The following ARHGAP30 variants were observed in gnomAD, a reference collection of about 807,000 sequenced individuals.
ARHGAP30 encodes the protein rho GTPase-activating protein 30.
A neutral mutation model predicts 72.0 loss-of-function variants in ARHGAP30; 23 were observed. The ratio of observed to expected loss-of-function variants is 0.32; its 90% CI spans 0.23 to 0.45. The LOEUF (loss-of-function observed/expected upper bound fraction) is 0.45. Ranked by LOEUF, ARHGAP30 falls within the 20% of genes least tolerant of loss-of-function variation. ARHGAP30 has a pLI of 1.00. For missense variants in ARHGAP30, 1,319 were observed against 1,383.4 expected (o/e 0.95, Z 0.74); for synonymous variants, 576 against 528.2 (o/e 1.09, Z -1.24).
chr1:161,069,462 T>G lies in ARHGAP30; in HGVS notation c.97+66A>C. ...CGGAAACTGCTTCTGCCCTTCAGGC[T>G]GGATCGGGCTGCAGATGCCCAGTGC... On this transcript the variant is annotated intron_variant, in intron 1 of 11. Coordinates refer to ENST00000368013, the MANE Select transcript of ARHGAP30 (RefSeq NM_001025598.2). The surrounding 1 kb of genome is among the most constrained non-coding windows in gnomAD (Gnocchi z 4.9). 6.5e-7 allele frequency: 1 copy of G among 1,526,770 alleles called. No homozygotes were observed. The highest frequency in any genetic ancestry group is 2.3e-5 in the East Asian group (1 of 44,440). 94.6% of individuals were successfully genotyped at this position (1,526,770 alleles called of 1,614,324 possible). A position where few individuals can be genotyped will look rare whatever the true frequency, so the allele number is the denominator to read the frequency against.
At chr1:161,064,015 T>G (rs562445512) in intron 1 of ARHGAP30, among the ~76,000 whole-genome samples, 156 of 152,382 alleles carry the variant, frequency 1.0e-3, no homozygotes, top group African/African-American at 3.6e-3. Flanking sequence ...TAATTTCGCT[T>G]TGGTCCTTTG....
At position 161,069,689 on chromosome 1, in the gene ARHGAP30, C is replaced by T. The variant is rs895163484; in HGVS notation, c.-65G>A. The T allele has an allele frequency of 6.5e-7, 1 of 1,529,054 alleles. No homozygotes were observed. Among genetic ancestry groups the T allele is most frequent in the African/African-American group, 1.4e-5 (1 of 73,144 alleles). The allele number at this position is 1,529,054 out of a possible 1,614,324, so 94.7% of individuals were successfully genotyped here. A position where few individuals can be genotyped will look rare whatever the true frequency, so the allele number is the denominator to read the frequency against. On this transcript the variant is annotated 5_prime_UTR_variant, in exon 1 of 12. Coordinates refer to ENST00000368013, the MANE Select transcript of ARHGAP30 (RefSeq NM_001025598.2). This position sits in a 1 kb window ranked among gnomAD's most constrained non-coding sequence, Gnocchi z 4.9. ...CCCAAGACCTGTGCCCTACCAGTCC[C>T]CCATGGGATCCCAGCCAGCTGCTGG...
chr1:161,061,537 G>GA (rs11368341), intron 1 of ARHGAP30, among the ~76,000 whole-genome samples: 9 of 144,604 alleles, frequency 6.2e-5, no homozygotes, highest in South Asian at 4.4e-4. Context: ...AAGAATATCT[G>GA]AAAAAAAAAA....
intron 5 of ARHGAP30, among the ~76,000 whole-genome samples, chr1:161,053,899 C>G (rs1052612533): frequency 6.6e-6 from 1 of 152,100 alleles, no homozygotes; most frequent in African/African-American, 2.4e-5. Flanking sequence ...AACCCCTTCT[C>G]TCTACTAAAA....
Position 161,048,269 on chromosome 1 carries a change from C to G in ARHGAP30, c.2752G>C (p.Gly918Arg). The G allele has an allele frequency of 6.2e-7, 1 of 1,614,166 alleles. No individual in the cohort carries two copies. Among genetic ancestry groups the G allele is most frequent in the Non-Finnish European group, 8.5e-7 (1 of 1,180,020 alleles). Residue 918 changes from glycine (G) to arginine (R), a missense_variant, in exon 12 of 12, where the codon GGT (glycine) becomes CGT (arginine). By Grantham distance (125) the Gly-to-Arg change is moderately radical. Transcript: ENST00000368013. ...GCLCPCSLGL[G>R]GVGMRLASTL... Reference sequence around the variant, plus strand: ...GAAGCTAGACGCATGCCCACGCCACCCAGGCCAAGAGAACAGGGGCATAGA... The same window carrying G: ...GAAGCTAGACGCATGCCCACGCCACGCAGGCCAAGAGAACAGGGGCATAGA...
At chr1:161,060,125 A>C in intron 1 of ARHGAP30, 1 of 387,940 alleles carries the variant, frequency 2.6e-6, no homozygotes, top group South Asian at 1.8e-5. Context: ...TACAAAAAAT[A>C]CAAACACAAA....
chr1:161,054,756 T>C, intron 3 of ARHGAP30, 51 bp from the exon 4 acceptor site: 1 of 1,524,828 alleles, frequency 6.6e-7, no homozygotes, highest in Non-Finnish European at 9.1e-7. Flanking sequence ...GCAATGCCCC[T>C]GCTTACTCCC....
chr1:161,052,403 A>C, intron 8 of ARHGAP30, 37 bp downstream of exon 8: 1 of 1,613,326 alleles, frequency 6.2e-7, no homozygotes, highest in Non-Finnish European at 8.5e-7. Flanking sequence ...GGCCTTGTGC[A>C]CCCTCAGCAG....
At position 161,063,025 on chromosome 1, in the gene ARHGAP30, G is replaced by C. The variant is rs77829611; in HGVS notation, c.98-3309C>G. Among the ~76,000 whole-genome samples the C allele has an allele frequency of 2.3e-3, 351 of 152,228 alleles. 11 individuals carry two copies. The East Asian group carries it at 0.056, about 24-fold the overall frequency. ...GTCGGTGTTTCCCCATGTTGGTCAG[G>C]CTGTCTCGAACTCCCGACCTCAGGT... On this transcript the variant is annotated intron_variant, in intron 1 of 11. Coordinates refer to ENST00000368013, the MANE Select transcript of ARHGAP30 (RefSeq NM_001025598.2).
intron 2 of ARHGAP30, among the ~76,000 whole-genome samples, chr1:161,058,808 C>G (rs1652094380): frequency 6.8e-6 from 1 of 147,760 alleles, no homozygotes; most frequent in Non-Finnish European, 1.5e-5. Flanking sequence ...TTGCAATGAG[C>G]CAAGATTGCG....
chr1:161,048,120 C>T lies in ARHGAP30; in HGVS notation c.2901G>A (p.Arg967=), dbSNP rs768847014. 31 of 1,614,206 alleles carry T rather than the reference C, an allele frequency of 1.9e-5. No homozygotes were observed. Among genetic ancestry groups the T allele is most frequent in the Non-Finnish European group, 2.3e-5 (27 of 1,180,032 alleles). Residue 967 remains arginine (R), a synonymous_variant, in exon 12 of 12, where the codon AGG becomes AGA. Transcript: ENST00000368013. ...IHVAPANPCP[R]PGRLDGTPGE... ...CAGGAGTCCCATCAAGCCGGCCAGG[C>T]CTCGGGCATGGATTTGCAGGTGCCA... is the stretch of plus-strand genomic sequence containing the variant.
chr1:161,064,252 T>A (rs995250777), intron 1 of ARHGAP30, among the ~76,000 whole-genome samples: 4 of 152,334 alleles, frequency 2.6e-5, no homozygotes, highest in Admixed American at 2.6e-4. Flanking sequence ...ACTCTGTCCT[T>A]TTATTTCTCA....
At position 161,048,651 on chromosome 1, in the gene ARHGAP30, C is replaced by T; in HGVS notation, c.2370G>A (p.Glu790=). ...EEKWEVVQKQ[E]AEGVREDEDK... is the part of the protein sequence containing the mutation. ...CCTCATCCTCTCTGACTCCCTCAGCCTCTTGTTTCTGTACAACTTCCCATT... is the reference window on the plus strand; with the variant it reads ...CCTCATCCTCTCTGACTCCCTCAGCTTCTTGTTTCTGTACAACTTCCCATT... The change falls in exon 12 of 12, where the codon GAG becomes GAA. Residue 790 remains glutamate (E), a synonymous_variant. Coordinates refer to ENST00000368013, the MANE Select transcript of ARHGAP30 (RefSeq NM_001025598.2). 1.9e-6 allele frequency: 3 copies of T among 1,614,158 alleles called. No individual in the cohort carries two copies. The highest frequency in any genetic ancestry group is 1.7e-6 in the Non-Finnish European group (2 of 1,180,044).
intron 5 of ARHGAP30, 40 bp from the exon 6 acceptor site, chr1:161,053,425 A>G (rs1284182181): frequency 6.3e-7 from 1 of 1,597,902 alleles, no homozygotes; most frequent in Admixed American, 1.7e-5. Flanking sequence ...CAGCCCCACC[A>G]AACTTCCCAA....
At chr1:161,056,950 A>G (rs759402261) in intron 2 of ARHGAP30, among the ~76,000 whole-genome samples, 4 of 152,210 alleles carry the variant, frequency 2.6e-5, no homozygotes, top group African/African-American at 4.8e-5. Flanking sequence ...TTTCTTAGAT[A>G]TGATACTAAA....
rs754770154 is a variant in ARHGAP30 at position 161,048,518 on chromosome 1, T to C, written c.2503A>G (p.Ser835Gly). Residue 835 changes from serine to glycine, a missense_variant, in exon 12 of 12, where the codon AGC becomes GGC. This residue lies in a region of ARHGAP30 where 1,097 missense variants were observed against 1,045.2 expected (regional missense o/e 1.05). Coordinates refer to ENST00000368013, the MANE Select transcript of ARHGAP30 (RefSeq NM_001025598.2). ...CCATCCCCACTCTCCCGTTCCTTGC[T>C]GACCTCCCCTGCTCCTCCTTCAGTT... is the stretch of plus-strand genomic sequence containing the variant. ...AATEGGAGEV[S>G]KERESGDGEA... 1 of 1,614,158 alleles carries C rather than the reference T, an allele frequency of 6.2e-7. No homozygotes were observed. Among genetic ancestry groups the C allele is most frequent in the Admixed American group, 1.7e-5 (1 of 60,016 alleles).
At chr1:161,068,087 G>C (rs1652895751) in intron 1 of ARHGAP30, among the ~76,000 whole-genome samples, 2 of 152,232 alleles carry the variant, frequency 1.3e-5, no homozygotes, top group African/African-American at 2.4e-5. Flanking sequence ...GGTCTGGGCT[G>C]GCTGTGGGTT....
At chr1:161,066,157 G>A (rs1362074829) in intron 1 of ARHGAP30, among the ~76,000 whole-genome samples, 1 of 151,086 alleles carries the variant, frequency 6.6e-6, no homozygotes, top group East Asian at 2.0e-4. Context: ...GAGCCACCAT[G>A]CTCAGCCAAC....
chr1:161,064,779 A>AAAGAAAGAAAGAAAGAAAGAAAGAAAG (rs1553219780), intron 1 of ARHGAP30, among the ~76,000 whole-genome samples: 7 of 98,068 alleles, frequency 7.1e-5, no homozygotes, highest in Admixed American at 1.1e-4. Flanking sequence ...GAAAGAAAGA[A>AAAGAAAGAAAGAAAGAAAGAAAGAAAG]AAAGAAAGAA....
Sources: gnomAD v4.1 joint callset for allele counts (sites outside exome capture counted in the v4.1 genomes callset) on GRCh38, gnomAD v4.1.1 for gene constraint, gnomAD v4.1.1 regional missense constraint, Gnocchi (gnomAD v3.1) non-coding constraint, MANE v1.5 for transcripts, NCBI Gene and HGNC (gene_info 2026-07-23, HGNC 2026-07-21) for gene names.